The following FRMPD4 variants were observed in gnomAD, a reference collection of about 807,000 sequenced individuals.
FRMPD4 encodes the protein FERM and PDZ domain-containing protein 4.
A neutral mutation model predicts 94.1 loss-of-function variants in FRMPD4; 22 were observed. The ratio of observed to expected loss-of-function variants is 0.23; its 90% confidence interval spans 0.17 to 0.33. The LOEUF (loss-of-function observed/expected upper bound fraction) is 0.33. Among genes scored for constraint, FRMPD4 ranks in the 10% least tolerant of loss-of-function variants. The pLI is 1.00. For missense variants in FRMPD4, 1,111 were observed against 1,339.9 expected (o/e 0.83, Z 2.67); for synonymous variants, 631 against 548.6 (o/e 1.15, Z -2.10).
chrX:12,476,044 C>T (rs1251609244), intron 1 of FRMPD4, among the ~76,000 whole-genome samples: 1 of 111,898 alleles, frequency 8.9e-6, no homozygotes, highest in Non-Finnish European at 1.9e-5. Context: ...GGAGGCATCA[C>T]ACTACCTGAC....
chrX:12,608,027 G>C (rs917512856), intron 2 of FRMPD4, among the ~76,000 whole-genome samples: 2 of 112,615 alleles, frequency 1.8e-5, no homozygotes. Flanking sequence ...CATCTTCCAA[G>C]ATATTTTTAA....
chrX:12,624,146 G>A (rs1219923710), intron 4 of FRMPD4, among the ~76,000 whole-genome samples: 1 of 112,578 alleles, frequency 8.9e-6, no homozygotes, highest in African/African-American at 3.2e-5. Flanking sequence ...GAGTTCTTCA[G>A]GTTGAAATGA....
intron 1 of FRMPD4, among the ~76,000 whole-genome samples, chrX:12,407,550 G>A (rs749162005): frequency 8.9e-6 from 1 of 112,055 alleles, no homozygotes; most frequent in African/African-American, 3.2e-5. Flanking sequence ...GGTACTTAAG[G>A]CAGTAAACCT....
chrX:12,188,992 A>T (rs2056458267), intron 1 of FRMPD4, among the ~76,000 whole-genome samples: 1 of 111,663 alleles, frequency 9.0e-6, no homozygotes, highest in Non-Finnish European at 1.9e-5. Context: ...TTTCTTTTAA[A>T]AGCCCAGAAG....
intron 5 of FRMPD4, among the ~76,000 whole-genome samples, chrX:12,679,482 G>A (rs1035853292): frequency 4.5e-5 from 5 of 111,059 alleles, no homozygotes; most frequent in Admixed American, 1.9e-4. Flanking sequence ...AGAAAAGTGC[G>A]AGGGAATTTC....
At chrX:12,638,235 A>G (rs1489419117) in intron 4 of FRMPD4, among the ~76,000 whole-genome samples, 1 of 112,329 alleles carries the variant, frequency 8.9e-6, no homozygotes, top group Admixed American at 9.4e-5. Context: ...TGTAACATTT[A>G]GAAATTAGAT....
chrX:12,326,420 G>T (rs907869672), intron 1 of FRMPD4, among the ~76,000 whole-genome samples: 1 of 111,723 alleles, frequency 9.0e-6, no homozygotes, highest in Non-Finnish European at 1.9e-5. Context: ...CCTGTGCATT[G>T]TAAGGTATGT....
intron 14 of FRMPD4, among the ~76,000 whole-genome samples, chrX:12,714,314 T>C (rs1013636010): frequency 1.2e-4 from 13 of 111,446 alleles, no homozygotes; most frequent in Middle Eastern, 4.6e-3. Flanking sequence ...CTCCTGCTTC[T>C]GGTGGCCGCC....
chrX:12,201,404 G>A (rs2056629552), intron 1 of FRMPD4, among the ~76,000 whole-genome samples: 1 of 111,918 alleles, frequency 8.9e-6, no homozygotes, highest in South Asian at 3.8e-4. Context: ...TGCCTGTAGG[G>A]TATTGTGATT....
rs2042141381 is a variant in FRMPD4, at chrX:12,718,256, C to A, written c.3430C>A (p.Leu1144Ile). 6.6e-6 allele frequency: 8 copies of A among 1,210,124 alleles called. No individual in the cohort carries two copies. The African/African-American group carries it at 1.4e-4, about 21-fold the overall frequency. The change falls in exon 16 of 17, where the codon CTT (leucine) becomes ATT (isoleucine). Residue 1144 changes from leucine to isoleucine, a missense_variant. Coordinates refer to ENST00000675598, the MANE Select transcript of FRMPD4 (RefSeq NM_001368397.1). Reference protein sequence around the residue: ...PDGETSDGSGLGQGDRFLTDV... With the variant: ...PDGETSDGSGIGQGDRFLTDV... ...TGGAGAAACCAGTGATGGCTCAGGA[C>A]TTGGTCAAGGGGACCGCTTCTTAAC...
intron 1 of FRMPD4, among the ~76,000 whole-genome samples, chrX:12,159,220 C>G (rs145563474): frequency 0.018 from 2,006 of 112,478 alleles, 50 homozygotes; most frequent in African/African-American, 0.061. Flanking sequence ...GCTTCAAAGA[C>G]ATGCATACAG....
At chrX:12,147,356 T>A (rs2055782895) in intron 1 of FRMPD4, among the ~76,000 whole-genome samples, 1 of 112,004 alleles carries the variant, frequency 8.9e-6, no homozygotes, top group Non-Finnish European at 1.9e-5. Flanking sequence ...TTTAAGGTAT[T>A]GTACGTTTCT....
intron 3 of FRMPD4, among the ~76,000 whole-genome samples, chrX:12,093,277 T>C (rs1297808814): frequency 2.7e-5 from 3 of 111,406 alleles, no homozygotes; most frequent in Admixed American, 9.5e-5. Flanking sequence ...TGGAATCCTC[T>C]GGATGCAGAG....
intron 1 of FRMPD4, among the ~76,000 whole-genome samples, chrX:12,451,733 CGTGTGT>C (rs72300557): frequency 1.3e-3 from 129 of 98,827 alleles, no homozygotes; most frequent in East Asian, 4.9e-3. Flanking sequence ...TGTGTATGCC[CGTGTGT>C]GTGTGTGTGT....
intron 4 of FRMPD4, among the ~76,000 whole-genome samples, chrX:12,638,192 C>T (rs2059460333): frequency 1.8e-5 from 2 of 112,479 alleles, no homozygotes; most frequent in African/African-American, 6.5e-5. Context: ...TTCTCAAACA[C>T]ACAAGTGAGA....
At chrX:12,546,639 A>G (rs1053186507) in intron 2 of FRMPD4, among the ~76,000 whole-genome samples, 1 of 112,069 alleles carries the variant, frequency 8.9e-6, no homozygotes, top group Non-Finnish European at 1.9e-5. Flanking sequence ...AGGCCAACCT[A>G]TAAGAGGTAC....
At chrX:12,203,181 A>G (rs1199956798) in intron 1 of FRMPD4, among the ~76,000 whole-genome samples, 2 of 111,599 alleles carry the variant, frequency 1.8e-5, no homozygotes, top group African/African-American at 6.5e-5. Context: ...GTTAGTCAAG[A>G]TCGAGTGAAG....
At chrX:11,863,988 T>C (rs546624420) in intron 1 of FRMPD4, among the ~76,000 whole-genome samples, 29 of 111,939 alleles carry the variant, frequency 2.6e-4, no homozygotes, top group East Asian at 5.6e-4. Context: ...CTCAGATTTG[T>C]GTTATGCTTT....
At chrX:12,042,056 G>A (rs2054758822) in intron 3 of FRMPD4, among the ~76,000 whole-genome samples, 2 of 111,333 alleles carry the variant, frequency 1.8e-5, no homozygotes, top group Admixed American at 9.5e-5. Flanking sequence ...TATTTCTTCA[G>A]TGATATTCCT....
Sources: gnomAD v4.1 joint callset for allele counts (sites outside exome capture counted in the v4.1 genomes callset) on GRCh38, gnomAD v4.1.1 for gene constraint, MANE v1.5 for transcripts, NCBI Gene and HGNC (gene_info 2026-07-23, HGNC 2026-07-21) for gene names.